Variants in NCAPG observed in about 807,000 individuals in gnomAD.
NCAPG encodes non-SMC condensin I complex subunit G.
A neutral mutation model predicts 113.1 loss-of-function variants in NCAPG; 69 were observed. The observed-to-expected ratio is 0.61, with a 90% CI of 0.50 to 0.75. The LOEUF (loss-of-function observed/expected upper bound fraction) is 0.75. Among genes scored for constraint, NCAPG ranks in the 30% least tolerant of loss-of-function variants. The probability of loss-of-function intolerance (pLI) is 0.00; values close to 1 mark genes in which losing one functional copy is unlikely to be tolerated. For missense variants in NCAPG, 1,058 were observed against 1,177.0 expected (o/e 0.90, Z 1.48); for synonymous variants, 370 against 415.8 (o/e 0.89, Z 1.34).
At position 17,840,606 on chromosome 4, in the gene NCAPG, G is replaced by C; in HGVS notation, c.2768-1G>C. The C allele has an allele frequency of 6.9e-7, 1 of 1,447,594 alleles. No homozygotes were observed. Among genetic ancestry groups the C allele is most frequent in the Non-Finnish European group, 9.2e-7 (1 of 1,090,676 alleles). 89.7% of individuals were successfully genotyped at this position (1,447,594 alleles called of 1,614,324 possible). On this transcript the variant is annotated splice_acceptor_variant, in intron 18 of 20. Coordinates refer to ENST00000251496, the MANE Select transcript of NCAPG (RefSeq NM_022346.5). LOFTEE classifies it high-confidence loss of function. ...TATTGTTGTATTATTCCCTTTAATA[G>C]AAAAGAATAAAGAAGTATATATGAC...
At chr4:17,812,679 G>T (rs1156373084) in intron 2 of NCAPG, among the ~76,000 whole-genome samples, 1 of 152,138 alleles carries the variant, frequency 6.6e-6, no homozygotes, top group Non-Finnish European at 1.5e-5. Flanking sequence ...TATTTTAGAA[G>T]CCTCTACAAA....
At chr4:17,836,200 T>G (rs1722085460) in intron 14 of NCAPG, among the ~76,000 whole-genome samples, 3 of 152,214 alleles carry the variant, frequency 2.0e-5, no homozygotes, top group Admixed American at 2.0e-4. Flanking sequence ...GATTTGCATT[T>G]CCTTAATGAC....
rs1560226013 is a variant in NCAPG at position 17,823,681 on chromosome 4, A to AT, written c.1298dup (p.Leu433PhefsTer14). ...GCTGGCTGTTTTACAGGAGATTCTT[A>AT]TTTTACCCACAATCCCAATATCCCT... On this transcript the variant is annotated frameshift_variant, in exon 9 of 21. Transcript: ENST00000251496. LOFTEE classifies it high-confidence loss of function. 1.2e-6 allele frequency: 2 copies of AT among 1,611,286 alleles called. No individual in the cohort carries two copies. The highest frequency in any genetic ancestry group is 1.1e-5 in the South Asian group (1 of 90,938).
intron 19 of NCAPG, 121 bp from the exon 20 acceptor site, chr4:17,842,189 A>C (rs1434428278): frequency 4.5e-5 from 34 of 747,296 alleles, no homozygotes; most frequent in Middle Eastern, 2.4e-4. Context: ...AACAAGTAGG[A>C]GATACATGTG....
chr4:17,840,096 G>C lies in NCAPG; in HGVS notation c.2654G>C (p.Arg885Thr). The C allele has an allele frequency of 6.2e-7, 1 of 1,609,658 alleles. No individual in the cohort carries two copies. Among genetic ancestry groups the C allele is most frequent in the Non-Finnish European group, 8.5e-7 (1 of 1,178,372 alleles). ...LEQVKDRTCLRALEKIKIQLE... is the reference protein window; with the variant it reads ...LEQVKDRTCLTALEKIKIQLE... ...CAAGTAAAAGATAGGACATGTCTGA[G>C]AGCTTTGGAGAAAATCAAGATTCAG... Residue 885 changes from arginine (R) to threonine (T), a missense_variant, in exon 18 of 21, where the codon AGA becomes ACA. Arg to Thr is a moderately conservative substitution (Grantham distance 71, BLOSUM62 -1). Coordinates refer to ENST00000251496, the MANE Select transcript of NCAPG (RefSeq NM_022346.5).
intron 4 of NCAPG, 83 bp from the exon 5 acceptor site, chr4:17,815,191 G>T: frequency 7.5e-7 from 1 of 1,334,482 alleles, no homozygotes; most frequent in Non-Finnish European, 1.0e-6. Flanking sequence ...GAGATTCTGG[G>T]TAATTTTCTA....
intron 3 of NCAPG, 111 bp from the exon 4 acceptor site, chr4:17,814,742 C>A: frequency 8.1e-7 from 1 of 1,228,276 alleles, no homozygotes; most frequent in Non-Finnish European, 1.1e-6. Flanking sequence ...TCATGCCCAG[C>A]CTATCTTTAT....
chr4:17,817,213 G>A (rs1721245582), intron 5 of NCAPG, 48 bp from the exon 6 acceptor site: 7 of 1,356,282 alleles, frequency 5.2e-6, no homozygotes, highest in African/African-American at 2.9e-5. Context: ...ACAAGAGATG[G>A]AAGCTAGAGG....
intron 14 of NCAPG, 49 bp downstream of exon 14, chr4:17,834,572 T>C (rs1349586339): frequency 1.6e-5 from 18 of 1,159,682 alleles, no homozygotes; most frequent in Non-Finnish European, 2.1e-5. Context: ...TTTCAGCATG[T>C]ATTTGTTTAT....
chr4:17,831,608 C>T (rs1225438625), intron 13 of NCAPG, among the ~76,000 whole-genome samples: 1 of 151,990 alleles, frequency 6.6e-6, no homozygotes, highest in Non-Finnish European at 1.5e-5. Flanking sequence ...GAGCAAATAC[C>T]AGAAGGAAGT....
intron 13 of NCAPG, among the ~76,000 whole-genome samples, chr4:17,833,500 G>C (rs1265088820): frequency 6.7e-6 from 1 of 150,072 alleles, no homozygotes; most frequent in Non-Finnish European, 1.5e-5. Context: ...TGTTGTTGTT[G>C]TTGTTGTTGT....
intron 11 of NCAPG, among the ~76,000 whole-genome samples, chr4:17,827,519 G>A (rs141454656): frequency 6.6e-6 from 1 of 152,292 alleles, no homozygotes; most frequent in East Asian, 1.9e-4. Context: ...ACGGAGAAAA[G>A]GGAGTCAGGA....
At chr4:17,842,414 A>AT (rs1722500787) in intron 20 of NCAPG, 35 bp downstream of exon 20, 1 of 1,536,048 alleles carries the variant, frequency 6.5e-7, no homozygotes, top group Non-Finnish European at 9.0e-7. Context: ...ATGGAGGCCT[A>AT]TCTTCACTTT....
intron 14 of NCAPG, 95 bp downstream of exon 14, chr4:17,834,618 C>T (rs1722015232): frequency 2.5e-6 from 2 of 799,132 alleles, no homozygotes; most frequent in East Asian, 3.1e-5. Context: ...AGTTTAAGTC[C>T]TGTGATACAT....
intron 1 of NCAPG, among the ~76,000 whole-genome samples, 179 bp from the exon 2 acceptor site, chr4:17,812,042 G>A (rs1720991995): frequency 6.6e-6 from 1 of 152,178 alleles, no homozygotes; most frequent in South Asian, 2.1e-4. Flanking sequence ...TTATAGCCTG[G>A]AGAGAAATTC....
chr4:17,811,273 C>A lies in NCAPG; in HGVS notation c.111+85C>A. 1 of 748,654 alleles carries A rather than the reference C, an allele frequency of 1.3e-6. No individual in the cohort carries two copies. Among genetic ancestry groups the A allele is most frequent in the African/African-American group, 1.9e-5 (1 of 53,258 alleles). The allele number at this position is 748,654 out of a possible 1,614,324, so 46.4% of individuals were successfully genotyped here. A position where few individuals can be genotyped will look rare whatever the true frequency, so the allele number is the denominator to read the frequency against. Reference sequence around the variant, plus strand: ...GGCCCTCCGTGGCCCTCGGGCTCGGCGCACCGTGACTCCAGCCTTGTTCAC... The same window carrying A: ...GGCCCTCCGTGGCCCTCGGGCTCGGAGCACCGTGACTCCAGCCTTGTTCAC... On this transcript the variant is annotated intron_variant, in intron 1 of 20. Transcript: ENST00000251496. This position sits in a 1 kb window ranked among gnomAD's most constrained non-coding sequence, Gnocchi z 5.3.
In NCAPG at chr4:17,814,891, G is replaced by A. The variant is rs1342416840; in HGVS notation, c.583G>A (p.Val195Ile). ...TLIENDSNPE[V>I]RRAVLSCIAP... The stretch of plus-strand genomic sequence containing the variant: ...GATTGAAAATGATTCAAATCCAGAA[G>A]TTAGACGGGCAGTGTTATCATGTAT... The change falls in exon 4 of 21, where the codon GTT becomes ATT. Residue 195 changes from valine to isoleucine, a missense_variant. Physicochemically the swap from Val to Ile is conservative, Grantham distance 29. Coordinates refer to ENST00000251496, the MANE Select transcript of NCAPG (RefSeq NM_022346.5). The A allele has an allele frequency of 6.2e-7, 1 of 1,614,188 alleles. No individual in the cohort carries two copies. The highest frequency in any genetic ancestry group is 1.3e-5 in the African/African-American group (1 of 75,054).
In NCAPG at chr4:17,812,358, T is replaced by C. The variant is rs199663697; in HGVS notation, c.249T>C (p.Asp83=). 6.2e-7 allele frequency: 1 copy of C among 1,613,832 alleles called. No individual in the cohort carries two copies. The highest frequency in any genetic ancestry group is 1.3e-5 in the African/African-American group (1 of 75,026). Residue 83 remains aspartate (D), a synonymous_variant, in exon 2 of 21, where the codon GAT becomes GAC. Coordinates refer to ENST00000251496, the MANE Select transcript of NCAPG (RefSeq NM_022346.5). ...TTGTTACCTCATTTCACCAATCAGA[T>C]ATGGAAGATGATGAGGAAGAGGAAG... ...AKFVTSFHQS[D]MEDDEEEEDG... is the part of the protein sequence containing the mutation.
intron 5 of NCAPG, among the ~76,000 whole-genome samples, chr4:17,816,824 C>CT (rs769670048): frequency 3.1e-4 from 47 of 151,502 alleles, no homozygotes; most frequent in African/African-American, 5.1e-4. Context: ...CATGGTACTT[C>CT]TTTTTTTTTA....
Sources: gnomAD v4.1 joint callset for allele counts (sites outside exome capture counted in the v4.1 genomes callset) on GRCh38, gnomAD v4.1.1 for gene constraint, Gnocchi (gnomAD v3.1) non-coding constraint, MANE v1.5 for transcripts, NCBI Gene and HGNC (gene_info 2026-07-23, HGNC 2026-07-21) for gene names.